Variants in SPATS2L observed in about 807,000 individuals in gnomAD.
The protein encoded by SPATS2L is SPATS2-like protein.
A neutral mutation model predicts 59.6 loss-of-function variants in SPATS2L; 30 were observed. That is an observed-to-expected ratio of 0.50 (90% CI 0.38 to 0.68). The LOEUF is 0.68. Ranked by LOEUF, SPATS2L falls within the 30% of genes least tolerant of loss-of-function variation. SPATS2L has a pLI of 0.00. For missense variants in SPATS2L, 615 were observed against 700.0 expected (o/e 0.88, Z 1.37); for synonymous variants, 252 against 263.5 (o/e 0.96, Z 0.42).
chr2:200,384,470 C>T (rs1179373544), intron 2 of SPATS2L, among the ~76,000 whole-genome samples: 1 of 152,226 alleles, frequency 6.6e-6, no homozygotes, highest in Non-Finnish European at 1.5e-5. Context: ...TCTCCTGCCT[C>T]AGCCTCCCCA....
chr2:200,317,169 T>C (rs145569965), intron 1 of SPATS2L, among the ~76,000 whole-genome samples: 1 of 152,346 alleles, frequency 6.6e-6, no homozygotes, highest in East Asian at 1.9e-4. Flanking sequence ...GCCTACGTTA[T>C]AAAAACTCTA....
At chr2:200,305,942 T>G, upstream of SPATS2L, 12 of 580,480 alleles carry the variant, frequency 2.1e-5, no homozygotes, top group Non-Finnish European at 2.2e-5. Context: ...TCATGAATAA[T>G]GATTGAGAAA....
intron 1 of SPATS2L, among the ~76,000 whole-genome samples, chr2:200,327,263 G>A (rs2079781396): frequency 1.3e-5 from 2 of 152,012 alleles, no homozygotes; most frequent in South Asian, 4.2e-4. Context: ...AATTAGCCCA[G>A]TGTGGTGGCA....
At position 200,472,821 on chromosome 2, in the gene SPATS2L, T is replaced by C; in HGVS notation, c.1061-11T>C. On this transcript the variant is annotated splice_polypyrimidine_tract_variant and intron_variant, in intron 11 of 12. Coordinates refer to ENST00000409140, the MANE Select transcript of SPATS2L (RefSeq NM_001100423.2). ...GTGCAGCTCGTAACACTGAGCACTT[T>C]ATTATTGCAGTTACACATCCAAAGA... 6.2e-7 allele frequency: 1 copy of C among 1,613,226 alleles called. No individual in the cohort carries two copies. Among genetic ancestry groups the C allele is most frequent in the Non-Finnish European group, 8.5e-7 (1 of 1,179,216 alleles).
At chr2:200,317,480 C>T (rs1350198632) in intron 1 of SPATS2L, among the ~76,000 whole-genome samples, 1 of 152,130 alleles carries the variant, frequency 6.6e-6, no homozygotes, top group Non-Finnish European at 1.5e-5. Flanking sequence ...TCAATTCACC[C>T]TCCTTATGTT....
At position 200,378,617 on chromosome 2, in the gene SPATS2L, A is replaced by G. The variant is rs534611979; in HGVS notation, c.-22-10606A>G. On this transcript the variant is annotated intron_variant, in intron 2 of 12. Coordinates refer to ENST00000409140, the MANE Select transcript of SPATS2L (RefSeq NM_001100423.2). ...CTGACTTTCTCTGCCACTTTGAGAA[A>G]ATTATTAAATGTTTACTAGGAGTGT... Among the ~76,000 whole-genome samples the G allele has an allele frequency of 5.9e-5, 9 of 152,320 alleles. No individual in the cohort carries two copies. In the South Asian group the frequency reaches 1.9e-3, roughly 32 times the overall value.
chr2:200,329,521 G>A, intron 2 of SPATS2L, 41 bp downstream of exon 2: 4 of 1,520,450 alleles, frequency 2.6e-6, no homozygotes, highest in Non-Finnish European at 3.6e-6. Context: ...ACCTCCTCCT[G>A]CTGCCATGGC....
chr2:200,368,773 A>G (rs2081337266), intron 2 of SPATS2L, among the ~76,000 whole-genome samples: 1 of 152,196 alleles, frequency 6.6e-6, no homozygotes, highest in Non-Finnish European at 1.5e-5. Flanking sequence ...GAAAGAGAAG[A>G]TGACTGAAGA....
Position 200,479,290 on chromosome 2 carries a change from TAAGACTC to T in SPATS2L, c.*1263_*1269del. On this transcript the variant is annotated 3_prime_UTR_variant, in exon 13 of 13. Coordinates refer to ENST00000409140, the MANE Select transcript of SPATS2L (RefSeq NM_001100423.2). ...TTGTGGCAAAGGGCCACCATGCTCT[TAAGACTC>T]AAGTCTATTTTCCACACTGTCCAGA... is the stretch of plus-strand genomic sequence containing the variant. 1 of 341,942 alleles carries T rather than the reference TAAGACTC, an allele frequency of 2.9e-6. No individual in the cohort carries two copies. The highest frequency in any genetic ancestry group is 5.3e-6 in the Non-Finnish European group (1 of 190,454). The allele number at this position is 341,942 out of a possible 1,614,324, so 21.2% of individuals were successfully genotyped here. A position where few individuals can be genotyped will look rare whatever the true frequency, so the allele number is the denominator to read the frequency against.
At chr2:200,471,183 A>T (rs1269949217) in intron 11 of SPATS2L, among the ~76,000 whole-genome samples, 1 of 152,142 alleles carries the variant, frequency 6.6e-6, no homozygotes, top group Non-Finnish European at 1.5e-5. Context: ...TAATTAATTA[A>T]TTAATTAACA....
At chr2:200,395,518 A>T (rs1230596295) in intron 3 of SPATS2L, among the ~76,000 whole-genome samples, 1 of 152,176 alleles carries the variant, frequency 6.6e-6, no homozygotes, top group Non-Finnish European at 1.5e-5. Context: ...GAGCACCCTG[A>T]AATAAGCCAC....
chr2:200,397,113 G>A (rs987214334), intron 3 of SPATS2L, among the ~76,000 whole-genome samples: 3 of 152,110 alleles, frequency 2.0e-5, no homozygotes, highest in East Asian at 3.9e-4. Context: ...CTACATGATC[G>A]GAATTCACAG....
At chr2:200,360,145 A>T (rs556948159) in intron 2 of SPATS2L, among the ~76,000 whole-genome samples, 10 of 152,242 alleles carry the variant, frequency 6.6e-5, no homozygotes, top group Non-Finnish European at 1.5e-4. Context: ...GTGAGTGATA[A>T]AAAATACATA....
chr2:200,360,634 G>A (rs2081065542), intron 2 of SPATS2L, among the ~76,000 whole-genome samples: 1 of 152,194 alleles, frequency 6.6e-6, no homozygotes, highest in Admixed American at 6.5e-5. Context: ...CTCCTTGGGG[G>A]AGGGGAAGCA....
At chr2:200,392,061 G>A (rs72920373) in intron 3 of SPATS2L, among the ~76,000 whole-genome samples, 3,537 of 152,192 alleles carry the variant, frequency 0.023, 63 homozygotes, top group Middle Eastern at 0.088. Context: ...TACTTATTAT[G>A]AAATATATAT....
At chr2:200,328,915 T>C (rs934569415) in intron 1 of SPATS2L, among the ~76,000 whole-genome samples, 1 of 152,170 alleles carries the variant, frequency 6.6e-6, no homozygotes, top group Non-Finnish European at 1.5e-5. Flanking sequence ...TTGGACAAGA[T>C]ATTTTGGTGA....
At position 200,423,577 on chromosome 2, in the gene SPATS2L, G is replaced by A. The variant is rs74901975; in HGVS notation, c.445+4081G>A. ...TTTTATCAGGTAATGGAGAGTTACT[G>A]CTAAAACCATGGGTTACCTAACTCC... On this transcript the variant is annotated intron_variant, in intron 6 of 12. Transcript: ENST00000409140. Among the ~76,000 whole-genome samples, 683 of 152,194 alleles carry A rather than the reference G, an allele frequency of 4.5e-3. 7 individuals are homozygous for A. Among genetic ancestry groups the A allele is most frequent in the African/African-American group, 0.015 (639 of 41,530 alleles).
chr2:200,477,834 T>A lies in SPATS2L; in HGVS notation c.1480T>A (p.Leu494Met). 2 of 1,581,440 alleles carry A rather than the reference T, an allele frequency of 1.3e-6. No individual in the cohort carries two copies. The highest frequency in any genetic ancestry group is 1.7e-6 in the Non-Finnish European group (2 of 1,163,706). ...CGGTGCCAAAAATCAAGAGGCTTCC[T>A]TGGGGATGAAGACCCCCGAGGCCCC... Reference protein sequence around the residue: ...KGGAKNQEASLGMKTPEAPAH... With the variant: ...KGGAKNQEASMGMKTPEAPAH... The change falls in exon 13 of 13, where the codon TTG becomes ATG. Residue 494 changes from leucine (L) to methionine (M), a missense_variant. This residue lies in a region of SPATS2L where 284 missense variants were observed against 280.1 expected (regional missense o/e 1.01). Transcript: ENST00000409140.
chr2:200,431,544 A>G (rs2083932075), intron 6 of SPATS2L, among the ~76,000 whole-genome samples: 1 of 152,256 alleles, frequency 6.6e-6, no homozygotes, highest in Non-Finnish European at 1.5e-5. Context: ...TTACCTGTGT[A>G]TAGAAGACAA....
Sources: gnomAD v4.1 joint callset for allele counts (sites outside exome capture counted in the v4.1 genomes callset) on GRCh38, gnomAD v4.1.1 for gene constraint, gnomAD v4.1.1 regional missense constraint, MANE v1.5 for transcripts, NCBI Gene and HGNC (gene_info 2026-07-23, HGNC 2026-07-21) for gene names.